CFAP299: variants seen among roughly 807,000 people sequenced by gnomAD.
The protein encoded by CFAP299 is cilia- and flagella-associated protein 299.
CFAP299 carries 21 observed loss-of-function variants against 27.0 expected under a neutral mutation model. The ratio of observed to expected loss-of-function variants is 0.78; its 90% confidence interval spans 0.55 to 1.12. The LOEUF (loss-of-function observed/expected upper bound fraction) is 1.12. Ranked by LOEUF, CFAP299 falls within the 50% of genes most tolerant of loss-of-function variation. The pLI is 0.00. For missense variants in CFAP299, 310 were observed against 276.6 expected, an observed-to-expected ratio of 1.12 and a Z score of -0.86; for synonymous variants, 104 against 98.1, an observed-to-expected ratio of 1.06 and a Z score of -0.36.
At chr4:80,455,792 A>G (rs1480627147) in intron 2 of CFAP299, among the ~76,000 whole-genome samples, 2 of 152,214 alleles carry the variant, frequency 1.3e-5, no homozygotes, top group Admixed American at 1.3e-4. Flanking sequence ...TCACATGTTA[A>G]TAAATTATGC....
intron 2 of CFAP299, among the ~76,000 whole-genome samples, chr4:80,479,508 T>C (rs1156259944): frequency 6.6e-6 from 1 of 152,006 alleles, no homozygotes; most frequent in Non-Finnish European, 1.5e-5. Flanking sequence ...TTTTTTATAT[T>C]ATGTGAATAC....
chr4:80,730,131 G>A (rs1180123973), intron 3 of CFAP299, among the ~76,000 whole-genome samples: 1 of 151,884 alleles, frequency 6.6e-6, no homozygotes, highest in East Asian at 1.9e-4. Context: ...ATGAGTGCCT[G>A]CTTGCTTTAA....
rs183089202 is a variant in CFAP299, at chr4:80,752,415, T to C, written c.334-117578T>C. ...AAATATATATATTTATATATATATATACACATATATATAAATAAATATATA... is the reference window on the plus strand; with the variant it reads ...AAATATATATATTTATATATATATACACACATATATATAAATAAATATATA... On this transcript the variant is annotated intron_variant, in intron 3 of 5. Coordinates refer to ENST00000358105, the MANE Select transcript of CFAP299 (RefSeq NM_152770.3). 7.8e-3 allele frequency among the ~76,000 whole-genome samples: 1,139 copies of C among 146,690 alleles called. 10 individuals carry two copies. Among genetic ancestry groups the C allele is most frequent in the Non-Finnish European group, 0.012 (784 of 66,922 alleles).
intron 4 of CFAP299, among the ~76,000 whole-genome samples, chr4:80,874,852 G>A (rs1235411757): frequency 6.6e-6 from 1 of 152,144 alleles, no homozygotes; most frequent in South Asian, 2.1e-4. Context: ...TTGATGTATG[G>A]TTAACCTTGA....
intron 3 of CFAP299, among the ~76,000 whole-genome samples, chr4:80,718,056 A>T (rs1009789222): frequency 6.6e-6 from 1 of 152,140 alleles, no homozygotes; most frequent in African/African-American, 2.4e-5. Flanking sequence ...GAGTATTTAT[A>T]GCTCAGAGAA....
intron 3 of CFAP299, among the ~76,000 whole-genome samples, chr4:80,699,094 GTTACTTAAAA>G (rs1721300417): frequency 6.6e-6 from 1 of 152,132 alleles, no homozygotes; most frequent in Non-Finnish European, 1.5e-5. Flanking sequence ...TACTGAAGAA[GTTACTTAAAA>G]TTAATATTCT....
chr4:80,915,164 G>T (rs1430832273), intron 4 of CFAP299, among the ~76,000 whole-genome samples: 1 of 151,540 alleles, frequency 6.6e-6, no homozygotes, highest in African/African-American at 2.4e-5. Flanking sequence ...TTGACCCATG[G>T]ATTATATAAA....
intron 2 of CFAP299, among the ~76,000 whole-genome samples, chr4:80,535,829 A>G (rs924585525): frequency 2.0e-5 from 3 of 152,202 alleles, no homozygotes; most frequent in African/African-American, 7.2e-5. Flanking sequence ...ATTATTTAGA[A>G]GTGTAAAGCA....
In CFAP299 at chr4:80,556,353, A is replaced by C. The variant is rs1011249789; in HGVS notation, c.243-26740A>C. 2.6e-5 allele frequency among the ~76,000 whole-genome samples: 4 copies of C among 152,100 alleles called. No individual in the cohort carries two copies. The South Asian group carries it at 8.3e-4, about 31-fold the overall frequency. On this transcript the variant is annotated intron_variant, in intron 2 of 5. Coordinates refer to ENST00000358105, the MANE Select transcript of CFAP299 (RefSeq NM_152770.3). The stretch of plus-strand genomic sequence containing the variant: ...CGATGACAAAAGTCTTAAGACAGCT[A>C]TGAAGACATGGTTGACAAGGAAATT...
intron 3 of CFAP299, among the ~76,000 whole-genome samples, chr4:80,684,275 G>T (rs63502163): frequency 0.034 from 36 of 1,056 alleles, no homozygotes; most frequent in East Asian, 0.3. Context: ...TCTTTTTTTT[G>T]GGGGGGGGGG....
In CFAP299 at chr4:80,941,729, A is replaced by G. The variant is rs538479175; in HGVS notation, c.477-3081A>G. On this transcript the variant is annotated intron_variant, in intron 4 of 5. Transcript: ENST00000358105. ...TGGTTCTGCAAACTGTACAGGAAGC[A>G]TGGCAGCACATGCTTTTGGGGAGGT... Among the ~76,000 whole-genome samples the G allele has an allele frequency of 5.2e-4, 79 of 152,314 alleles. 2 individuals are homozygous for G. The South Asian group carries it at 0.016, about 31-fold the overall frequency.
intron 2 of CFAP299, among the ~76,000 whole-genome samples, chr4:80,475,175 T>A (rs1730213174): frequency 6.6e-6 from 1 of 152,098 alleles, no homozygotes; most frequent in Non-Finnish European, 1.5e-5. Context: ...GCCAGTGTGG[T>A]ATGGAAGTTG....
At chr4:80,547,329 A>G (rs888147471) in intron 2 of CFAP299, among the ~76,000 whole-genome samples, 1 of 152,218 alleles carries the variant, frequency 6.6e-6, no homozygotes, top group Admixed American at 6.5e-5. Flanking sequence ...AGCCATATGC[A>G]GAAGATTGAA....
chr4:80,681,477 A>G (rs1719839304), intron 3 of CFAP299, among the ~76,000 whole-genome samples: 2 of 152,164 alleles, frequency 1.3e-5, no homozygotes, highest in Non-Finnish European at 2.9e-5. Flanking sequence ...GAAAGCCTGT[A>G]GAACTGCAAA....
At chr4:80,800,543 AATATATCAATATATT>A (rs1728473859) in intron 3 of CFAP299, among the ~76,000 whole-genome samples, 2 of 50,376 alleles carry the variant, frequency 4.0e-5, no homozygotes, top group Non-Finnish European at 6.5e-5. Flanking sequence ...TATAATATAT[AATATATCAATATATT>A]ATATAATATA....
At chr4:80,422,883 A>G (rs969237794) in intron 2 of CFAP299, among the ~76,000 whole-genome samples, 12 of 152,210 alleles carry the variant, frequency 7.9e-5, no homozygotes, top group Non-Finnish European at 1.2e-4. Context: ...CAAACATCAC[A>G]GAGTATACTT....
chr4:80,504,441 G>A (rs551055477), intron 2 of CFAP299, among the ~76,000 whole-genome samples: 1 of 112,456 alleles, frequency 8.9e-6, no homozygotes, highest in Non-Finnish European at 1.7e-5. Context: ...AATTTTTACT[G>A]AAATTTTGCT....
intron 3 of CFAP299, among the ~76,000 whole-genome samples, chr4:80,607,522 G>A (rs1309247992): frequency 6.6e-6 from 1 of 151,998 alleles, no homozygotes; most frequent in Non-Finnish European, 1.5e-5. Context: ...AGGCAAGAAG[G>A]TGATGACGCC....
chr4:80,617,196 G>A (rs1577937575), intron 3 of CFAP299, among the ~76,000 whole-genome samples: 1 of 152,104 alleles, frequency 6.6e-6, no homozygotes, highest in Non-Finnish European at 1.5e-5. Context: ...TATTAGATAG[G>A]CCCTTGGAGA....
Sources: allele counts gnomAD v4.1 joint callset (sites outside exome capture counted in the v4.1 genomes callset), GRCh38; gene constraint gnomAD v4.1.1; transcripts MANE v1.5; gene names NCBI Gene and HGNC (gene_info 2026-07-23, HGNC 2026-07-21).